The following MET variants were observed in gnomAD, a reference collection of about 807,000 sequenced individuals.
MET encodes MET proto-oncogene, receptor tyrosine kinase, also known as hepatocyte growth factor receptor.
In MET, 48 loss-of-function variants were observed where a neutral mutation model predicts 133.1. The ratio of observed to expected loss-of-function variants is 0.36; its 90% CI spans 0.29 to 0.46. The LOEUF (loss-of-function observed/expected upper bound fraction) is 0.46, where lower values mean the gene tolerates loss of function less well. MET is among the 20% of genes least tolerant of loss of function. The probability of loss-of-function intolerance (pLI) is 1.00; values close to 1 mark genes in which losing one functional copy is unlikely to be tolerated. For missense variants in MET, 1,442 were observed against 1,695.9 expected, an observed-to-expected ratio of 0.85 and a Z score of 2.63; for synonymous variants, 628 against 616.5, an observed-to-expected ratio of 1.02 and a Z score of -0.28.
At chr7:116,676,633 G>C (rs140137399) in intron 1 of MET, among the ~76,000 whole-genome samples, 1 of 152,276 alleles carries the variant, frequency 6.6e-6, no homozygotes, top group East Asian at 1.9e-4. Flanking sequence ...AGAGAGAGTG[G>C]GATGGTGATT....
intron 2 of MET, chr7:116,724,659 T>A: frequency 4.3e-6 from 2 of 464,570 alleles, no homozygotes; most frequent in South Asian, 3.1e-5. Flanking sequence ...TGATAACAGT[T>A]TTTTTTACTC....
At chr7:116,794,751 C>G (rs1031869637) in intron 19 of MET, among the ~76,000 whole-genome samples, 1 of 152,216 alleles carries the variant, frequency 6.6e-6, no homozygotes, top group Admixed American at 6.5e-5. Context: ...GAACTGCCCC[C>G]CTGGGTCCTG....
intron 1 of MET, among the ~76,000 whole-genome samples, chr7:116,680,956 A>C (rs1562873349): frequency 6.6e-6 from 1 of 151,914 alleles, no homozygotes; most frequent in African/African-American, 2.4e-5. Context: ...AAAGTGGGGG[A>C]GGGAGGGTAT....
chr7:116,791,861 C>T (rs1795509273), intron 19 of MET, among the ~76,000 whole-genome samples: 1 of 152,066 alleles, frequency 6.6e-6, no homozygotes, highest in African/African-American at 2.4e-5. Context: ...GACAGGGTTT[C>T]ACCATGTTGG....
intron 3 of MET, among the ~76,000 whole-genome samples, chr7:116,739,141 A>G (rs2116821306): frequency 6.6e-6 from 1 of 152,334 alleles, no homozygotes; most frequent in East Asian, 1.9e-4. Context: ...TTCATGTAAG[A>G]TAATCATTTG....
intron 1 of MET, among the ~76,000 whole-genome samples, chr7:116,697,943 C>T (rs2237711): frequency 2.8e-4 from 43 of 152,254 alleles, no homozygotes; most frequent in African/African-American, 9.9e-4. Flanking sequence ...TTTCTCATAG[C>T]GCAAGCACAG....
intron 2 of MET, among the ~76,000 whole-genome samples, chr7:116,723,155 A>G (rs1344439719): frequency 7.2e-6 from 1 of 138,454 alleles, no homozygotes; most frequent in Non-Finnish European, 1.6e-5. Context: ...ACATAGTCCC[A>G]TATTTCTTGG....
chr7:116,774,768 C>T (rs1393653506), intron 14 of MET, 113 bp from the exon 15 acceptor site: 1 of 816,082 alleles, frequency 1.2e-6, no homozygotes, highest in Non-Finnish European at 2.0e-6. Context: ...TATCTTTTCC[C>T]AATTTATTAT....
intron 1 of MET, among the ~76,000 whole-genome samples, chr7:116,684,706 T>C (rs1584858959): frequency 6.6e-6 from 1 of 152,000 alleles, no homozygotes; most frequent in African/African-American, 2.4e-5. Flanking sequence ...GAGGGCAGAG[T>C]GGCCAGAGCC....
At position 116,787,486 on chromosome 7, in the gene MET, C is replaced by T. The variant is rs1468646080; in HGVS notation, c.3798+4017C>T. On this transcript the variant is annotated intron_variant, in intron 19 of 20. Transcript: ENST00000397752. ...AGGGGCCACATGTGCTGAAGGTCTTCTTGCTGTGTCATAACATGGTGGAAG... is the reference window on the plus strand; with the variant it reads ...AGGGGCCACATGTGCTGAAGGTCTTTTTGCTGTGTCATAACATGGTGGAAG... Among the ~76,000 whole-genome samples, 4 of 152,196 alleles carry T rather than the reference C, an allele frequency of 2.6e-5. No homozygotes were observed. The South Asian group carries it at 6.2e-4, about 24-fold the overall frequency.
At chr7:116,750,027 A>G (rs549146218) in intron 5 of MET, among the ~76,000 whole-genome samples, 2 of 152,332 alleles carry the variant, frequency 1.3e-5, no homozygotes, top group African/African-American at 2.4e-5. Context: ...TATACATTCA[A>G]TGCTATCCCC....
chr7:116,745,943 A>G (rs1490548078), intron 5 of MET, among the ~76,000 whole-genome samples: 1 of 152,188 alleles, frequency 6.6e-6, no homozygotes, highest in Admixed American at 6.5e-5. Context: ...ATCTAATTAA[A>G]CTAAAGAGCT....
rs866306366 is a variant in MET, at chr7:116,740,857, G to A, written c.1533G>A (p.Thr511=). The change falls in exon 5 of 21, where the codon ACG becomes ACA. Residue 511 remains threonine (T), a synonymous_variant. Transcript: ENST00000397752. The part of the protein sequence containing the change: ...YTLVITGKKI[T]KIPLNGLGCR... ...TCCACCCCTTCTCTTCACAGATCAC[G>A]AAGATCCCATTGAATGGCTTGGGCT... 1.1e-5 allele frequency: 17 copies of A among 1,613,778 alleles called. No individual in the cohort carries two copies. Among genetic ancestry groups the A allele is most frequent in the African/African-American group, 5.3e-5 (4 of 74,860 alleles).
At chr7:116,705,990 C>T (rs932300035) in intron 2 of MET, among the ~76,000 whole-genome samples, 7 of 152,042 alleles carry the variant, frequency 4.6e-5, no homozygotes, top group Admixed American at 1.3e-4. Flanking sequence ...TTTTTCCCTT[C>T]CTCTTGCTGA....
chr7:116,782,360 AGCTCTCAATGTTGTG>A (rs1795182484), intron 18 of MET, among the ~76,000 whole-genome samples: 1 of 152,210 alleles, frequency 6.6e-6, no homozygotes, highest in Non-Finnish European at 1.5e-5. Context: ...TCCCTCCAGT[AGCTCTCAATGTTGTG>A]GTTTCACACT....
chr7:116,720,800 G>A (rs1352641926), intron 2 of MET, among the ~76,000 whole-genome samples: 8 of 121,288 alleles, frequency 6.6e-5, no homozygotes, highest in African/African-American at 1.6e-4. Flanking sequence ...ATTGATTTGC[G>A]TATATTGAAC....
chr7:116,695,047 G>T (rs1301654793), intron 1 of MET, among the ~76,000 whole-genome samples: 1 of 152,056 alleles, frequency 6.6e-6, no homozygotes, highest in Non-Finnish European at 1.5e-5. Context: ...CAACTAACAT[G>T]CAAATTGGTT....
intron 16 of MET, 100 bp from the exon 17 acceptor site, chr7:116,778,676 A>G: frequency 8.1e-7 from 1 of 1,233,034 alleles, no homozygotes; most frequent in Non-Finnish European, 1.2e-6. Flanking sequence ...CAAGATGCTA[A>G]CTGTGTGGTT....
chr7:116,716,526 A>AAAGG (rs1316113803), intron 2 of MET, among the ~76,000 whole-genome samples: 1 of 149,140 alleles, frequency 6.7e-6, no homozygotes, highest in Non-Finnish European at 1.5e-5. Flanking sequence ...AGAAAGAAAG[A>AAAGG]AAGAAAGAAA....
Sources: allele counts gnomAD v4.1 joint callset (sites outside exome capture counted in the v4.1 genomes callset), GRCh38; gene constraint gnomAD v4.1.1; transcripts MANE v1.5; gene names NCBI Gene and HGNC (gene_info 2026-07-23, HGNC 2026-07-21).